MRPL1: variants seen among roughly 807,000 people sequenced by gnomAD.
MRPL1 encodes the protein mitochondrial ribosomal protein L1, also known as large ribosomal subunit protein uL1m.
Under a neutral mutation model 38.0 loss-of-function variants are expected in MRPL1, and 28 were observed. The ratio of observed to expected loss-of-function variants is 0.74; its 90% CI spans 0.55 to 1.01. The LOEUF (loss-of-function observed/expected upper bound fraction) is 1.01, where lower values mean the gene tolerates loss of function less well. Among genes scored for constraint, MRPL1 ranks in the 50% least tolerant of loss-of-function variants. MRPL1 has a pLI of 0.00. For synonymous variants in MRPL1, 123 were observed against 126.7 expected (o/e 0.97, Z 0.20); for missense variants, 358 against 389.8 (o/e 0.92, Z 0.69).
intron 4 of MRPL1, among the ~76,000 whole-genome samples, chr4:77,886,356 T>TG (rs1735676252): frequency 6.6e-6 from 1 of 151,744 alleles, no homozygotes; most frequent in African/African-American, 2.4e-5. Flanking sequence ...TTCTTTGAGA[T>TG]GGAGTCTTGC....
chr4:77,887,978 C>G (rs1278717646), intron 5 of MRPL1, among the ~76,000 whole-genome samples: 3 of 152,028 alleles, frequency 2.0e-5, no homozygotes, highest in Non-Finnish European at 2.9e-5. Flanking sequence ...TCCACAAGGT[C>G]GCATGGATTT....
chr4:77,886,956 C>T (rs1735691302), intron 4 of MRPL1, among the ~76,000 whole-genome samples: 1 of 151,754 alleles, frequency 6.6e-6, no homozygotes, highest in African/African-American at 2.4e-5. Flanking sequence ...CCACGTCCGG[C>T]CAATTTTTAT....
chr4:77,876,208 A>C (rs905360346), intron 2 of MRPL1, among the ~76,000 whole-genome samples: 1 of 152,046 alleles, frequency 6.6e-6, no homozygotes, highest in Non-Finnish European at 1.5e-5. Context: ...GCTGACCTCA[A>C]GTGATCTGCC....
chr4:77,909,567 A>G (rs1257334648), intron 7 of MRPL1, among the ~76,000 whole-genome samples, 195 bp downstream of exon 7: 2 of 152,124 alleles, frequency 1.3e-5, no homozygotes, highest in Admixed American at 6.5e-5. Context: ...GTACTTGAGA[A>G]TTTCTTCCAG....
chr4:77,927,125 G>C (rs1280639409), intron 7 of MRPL1, among the ~76,000 whole-genome samples: 1 of 152,054 alleles, frequency 6.6e-6, no homozygotes, highest in African/African-American at 2.4e-5. Flanking sequence ...AAGATAGAAT[G>C]AAACCTATCA....
intron 7 of MRPL1, among the ~76,000 whole-genome samples, chr4:77,913,512 C>T (rs892818717): frequency 2.0e-5 from 3 of 152,234 alleles, no homozygotes; most frequent in South Asian, 4.1e-4. Flanking sequence ...TGTAAGGATG[C>T]GGTGGGACTT....
At chr4:77,928,902 C>T (rs1180697666) in intron 7 of MRPL1, among the ~76,000 whole-genome samples, 1 of 152,142 alleles carries the variant, frequency 6.6e-6, no homozygotes, top group Non-Finnish European at 1.5e-5. Context: ...TGACTCTCCC[C>T]TACTAACAGA....
chr4:77,885,558 GT>G (rs1735658737), intron 4 of MRPL1, among the ~76,000 whole-genome samples: 1 of 152,046 alleles, frequency 6.6e-6, no homozygotes, highest in Non-Finnish European at 1.5e-5. Flanking sequence ...GTAGAGACAG[GT>G]TTTCACCATG....
intron 1 of MRPL1, among the ~76,000 whole-genome samples, chr4:77,865,491 G>A (rs1451468204): frequency 1.3e-5 from 2 of 151,226 alleles, no homozygotes; most frequent in East Asian, 3.9e-4. Context: ...GCCCGGTCAC[G>A]GCTCACTGCA....
intron 7 of MRPL1, among the ~76,000 whole-genome samples, chr4:77,945,921 G>T (rs1163914469): frequency 6.6e-6 from 1 of 152,158 alleles, no homozygotes; most frequent in South Asian, 2.1e-4. Context: ...AAAAACTCCT[G>T]ATAAGGGTCC....
intron 8 of MRPL1, among the ~76,000 whole-genome samples, chr4:77,950,348 C>T (rs889588225): frequency 1.3e-5 from 2 of 152,136 alleles, no homozygotes; most frequent in Admixed American, 6.5e-5. Flanking sequence ...AATGAGGTGA[C>T]TCATAGAGAA....
At chr4:77,927,386 T>G (rs1394580533) in intron 7 of MRPL1, among the ~76,000 whole-genome samples, 1 of 152,196 alleles carries the variant, frequency 6.6e-6, no homozygotes, top group Non-Finnish European at 1.5e-5. Context: ...TTCTGAATTA[T>G]TAATTCCAAG....
chr4:77,952,382 C>A, intron 8 of MRPL1, 107 bp from the exon 9 acceptor site: 1 of 778,490 alleles, frequency 1.3e-6, no homozygotes, highest in Non-Finnish European at 2.2e-6. Context: ...CTTAAAGTTG[C>A]AGTTTCCAAG....
At chr4:77,942,553 A>C (rs1737161034) in intron 7 of MRPL1, among the ~76,000 whole-genome samples, 1 of 152,116 alleles carries the variant, frequency 6.6e-6, no homozygotes, top group African/African-American at 2.4e-5. Context: ...TCCAGTGTTA[A>C]TGCATATATA....
chr4:77,901,181 T>C (rs1402529875), intron 6 of MRPL1, among the ~76,000 whole-genome samples: 1 of 152,174 alleles, frequency 6.6e-6, no homozygotes, highest in Non-Finnish European at 1.5e-5. Context: ...ACATGAAGCA[T>C]TAACAGTATT....
chr4:77,881,044 A>C (rs1162134893), intron 2 of MRPL1, among the ~76,000 whole-genome samples: 2 of 152,242 alleles, frequency 1.3e-5, no homozygotes, highest in African/African-American at 4.8e-5. Flanking sequence ...TGCAAACATG[A>C]AAGTAGAAAC....
chr4:77,921,127 G>A (rs4561950), intron 7 of MRPL1, among the ~76,000 whole-genome samples: 33,733 of 151,992 alleles, frequency 0.22, 4,551 homozygotes, highest in African/African-American at 0.37. Flanking sequence ...AAACTTTTCA[G>A]TGGTTCTACA....
chr4:77,870,895 G>A (rs887741039), intron 1 of MRPL1, among the ~76,000 whole-genome samples: 1 of 152,056 alleles, frequency 6.6e-6, no homozygotes, highest in African/African-American at 2.4e-5. Context: ...TCAAAGACCT[G>A]TGTACCTTTT....
rs1735701055 is a variant in MRPL1, at chr4:77,887,303, T to C, written c.558+12T>C. The stretch of plus-strand genomic sequence containing the variant: ...GTCTGATACAGAAGGTACAGTGTTG[T>C]TTTCATGTTCATTAAGTATAGAGAT... On this transcript the variant is annotated intron_variant, in intron 5 of 8. Transcript: ENST00000315567. 1 of 1,601,424 alleles carries C rather than the reference T, an allele frequency of 6.2e-7. No individual in the cohort carries two copies. The highest frequency in any genetic ancestry group is 1.3e-5 in the African/African-American group (1 of 74,670).
Sources: gnomAD v4.1 joint callset for allele counts (sites outside exome capture counted in the v4.1 genomes callset) on GRCh38, gnomAD v4.1.1 for gene constraint, MANE v1.5 for transcripts, NCBI Gene and HGNC (gene_info 2026-07-23, HGNC 2026-07-21) for gene names.